Variants in RPH3A observed in about 807,000 individuals in gnomAD.
RPH3A encodes rabphilin-3A.
A neutral mutation model predicts 102.2 loss-of-function variants in RPH3A; 48 were observed. That is an observed-to-expected ratio of 0.47 (90% CI 0.37 to 0.60). The LOEUF (loss-of-function observed/expected upper bound fraction) is 0.60, where lower values mean the gene tolerates loss of function less well. Ranked by LOEUF, RPH3A falls within the 20% of genes least tolerant of loss-of-function variation. The pLI, the probability that RPH3A is intolerant of heterozygous loss-of-function variation, is 0.00. For missense variants in RPH3A, 781 were observed against 910.1 expected (o/e 0.86, Z 1.83); for synonymous variants, 310 against 324.3 (o/e 0.96, Z 0.47).
intron 1 of RPH3A, among the ~76,000 whole-genome samples, chr12:112,782,806 AC>A (rs2041018541): frequency 6.6e-6 from 1 of 151,958 alleles, no homozygotes; most frequent in African/African-American, 2.4e-5. Context: ...TATTTAAATG[AC>A]CCCCTGTTGT....
intron 1 of RPH3A, among the ~76,000 whole-genome samples, chr12:112,662,301 C>A (rs1414383431): frequency 6.6e-6 from 1 of 152,166 alleles, no homozygotes; most frequent in Non-Finnish European, 1.5e-5. Context: ...AGTCTAACTC[C>A]AAAGAAACAC....
At chr12:112,630,111 C>CTCA (rs1194925542) in intron 1 of RPH3A, among the ~76,000 whole-genome samples, 2 of 152,140 alleles carry the variant, frequency 1.3e-5, no homozygotes, top group Admixed American at 1.3e-4. Context: ...TGCCTAACCA[C>CTCA]TCATCTACCC....
At chr12:112,725,271 A>C (rs957287434) in intron 1 of RPH3A, among the ~76,000 whole-genome samples, 23 of 151,440 alleles carry the variant, frequency 1.5e-4, no homozygotes, top group South Asian at 1.3e-3. Context: ...AAAAAAAAAA[A>C]AAAAAAAACA....
intron 1 of RPH3A, among the ~76,000 whole-genome samples, chr12:112,786,715 G>C (rs1804015421): frequency 1.3e-5 from 2 of 152,150 alleles, no homozygotes; most frequent in Admixed American, 6.5e-5. Flanking sequence ...TGTCTAAGAG[G>C]GAGCTCAGTC....
At chr12:112,826,254 G>A (rs930532422) in intron 2 of RPH3A, among the ~76,000 whole-genome samples, 2 of 152,198 alleles carry the variant, frequency 1.3e-5, no homozygotes, top group East Asian at 1.9e-4. Flanking sequence ...GGAATGTGCT[G>A]GGGATGTTGA....
chr12:112,727,417 A>ATC (rs1410331642), intron 1 of RPH3A, among the ~76,000 whole-genome samples: 62 of 144,226 alleles, frequency 4.3e-4, no homozygotes, highest in African/African-American at 1.5e-3. Flanking sequence ...ATATATATAT[A>ATC]TATACATACA....
chr12:112,888,014 CG>C, intron 17 of RPH3A, 91 bp downstream of exon 17: 1 of 1,455,890 alleles, frequency 6.9e-7, no homozygotes, highest in East Asian at 2.3e-5. Context: ...AATAGATCCA[CG>C]GGGTATTGGG....
intron 1 of RPH3A, among the ~76,000 whole-genome samples, chr12:112,670,719 G>C (rs1209910808): frequency 6.6e-6 from 1 of 152,154 alleles, no homozygotes; most frequent in Admixed American, 6.5e-5. Context: ...AGTTATATCT[G>C]CTTCACGCAG....
intron 1 of RPH3A, among the ~76,000 whole-genome samples, chr12:112,682,728 G>A (rs1566257235): frequency 1.3e-5 from 2 of 152,120 alleles, no homozygotes; most frequent in African/African-American, 2.4e-5. Context: ...CCACACACAT[G>A]CGTTGGCAGT....
chr12:112,881,468 C>T (rs982197387), intron 14 of RPH3A, among the ~76,000 whole-genome samples: 9 of 152,222 alleles, frequency 5.9e-5, no homozygotes, highest in Non-Finnish European at 1.3e-4. Context: ...TTAAATCTCA[C>T]CACCTCATGA....
At chr12:112,643,061 T>G (rs377098537) in intron 1 of RPH3A, among the ~76,000 whole-genome samples, 1 of 152,318 alleles carries the variant, frequency 6.6e-6, no homozygotes, top group East Asian at 1.9e-4. Context: ...TGAGAAACCC[T>G]GTGCTAGAGT....
chr12:112,762,942 C>A (rs1182381115), intron 1 of RPH3A, among the ~76,000 whole-genome samples: 2 of 152,194 alleles, frequency 1.3e-5, no homozygotes, highest in African/African-American at 4.8e-5. Flanking sequence ...GTCATGTGAC[C>A]ATCCTCTAGG....
chr12:112,670,449 T>C (rs11066378), intron 1 of RPH3A, among the ~76,000 whole-genome samples: 117 of 152,264 alleles, frequency 7.7e-4, no homozygotes, highest in African/African-American at 2.7e-3. Flanking sequence ...TTTCTACTGA[T>C]CTCTTGAATA....
chr12:112,678,047 A>G (rs935171583), intron 1 of RPH3A, among the ~76,000 whole-genome samples: 1 of 150,842 alleles, frequency 6.6e-6, no homozygotes, highest in African/African-American at 2.4e-5. Flanking sequence ...AAATACAAAC[A>G]TTAGCCAGGC....
At chr12:112,842,793 G>C (rs920769970) in intron 4 of RPH3A, among the ~76,000 whole-genome samples, 1 of 152,238 alleles carries the variant, frequency 6.6e-6, no homozygotes, top group African/African-American at 2.4e-5. Flanking sequence ...AATAGCAAGG[G>C]CTGCTGTGTC....
chr12:112,811,613 G>A (rs921760027), intron 2 of RPH3A, among the ~76,000 whole-genome samples: 7 of 151,910 alleles, frequency 4.6e-5, no homozygotes, highest in Non-Finnish European at 8.8e-5. Flanking sequence ...CCTTCAGCTA[G>A]GAGCATGCAT....
chr12:112,657,691 T>C (rs2136001161), intron 1 of RPH3A, among the ~76,000 whole-genome samples: 1 of 152,294 alleles, frequency 6.6e-6, no homozygotes, highest in South Asian at 2.1e-4. Flanking sequence ...TATGTGATTG[T>C]ATTATGATAA....
At chr12:112,707,873 C>G (rs1312270165) in intron 1 of RPH3A, among the ~76,000 whole-genome samples, 2 of 152,206 alleles carry the variant, frequency 1.3e-5, no homozygotes, top group Non-Finnish European at 2.9e-5. Context: ...CAGAGAAAGT[C>G]TTAGTTGTAA....
At chr12:112,576,908 C>CT (rs1491257403) in intron 1 of RPH3A, among the ~76,000 whole-genome samples, 1 of 89,878 alleles carries the variant, frequency 1.1e-5, no homozygotes, top group African/African-American at 6.2e-5. Context: ...TTCTTTTCTT[C>CT]CTTTTTTTTT....
Sources: allele counts gnomAD v4.1 joint callset (sites outside exome capture counted in the v4.1 genomes callset), GRCh38; gene constraint gnomAD v4.1.1; transcripts MANE v1.5; gene names NCBI Gene and HGNC (gene_info 2026-07-23, HGNC 2026-07-21).